WWOX: variants seen among roughly 807,000 people sequenced by gnomAD.
WWOX encodes the protein WW domain containing oxidoreductase, also known as WW domain-containing oxidoreductase.
In WWOX, 69 loss-of-function variants were observed where a neutral mutation model predicts 46.2. The ratio of observed to expected loss-of-function variants is 1.49; its 90% CI spans 1.23 to 1.82. The LOEUF is 1.82. WWOX is among the 40% of genes most tolerant of loss of function. The pLI is 0.00. For missense variants in WWOX, 919 were observed against 542.6 expected, an observed-to-expected ratio of 1.69 and a Z score of -6.89; for synonymous variants, 359 against 202.6, an observed-to-expected ratio of 1.77 and a Z score of -6.56.
Position 78,146,638 on chromosome 16 carries a change from A to C in WWOX, c.410-17545A>C, listed in dbSNP as rs2034208843. ...CCCCAAACAAAATGTTATCAAATGA[A>C]GAACTCCTTCCCAGCTCTCCCTTCT... On this transcript the variant is annotated intron_variant, in intron 4 of 8. Coordinates refer to ENST00000566780, the MANE Select transcript of WWOX (RefSeq NM_016373.4). 2.0e-5 allele frequency among the ~76,000 whole-genome samples: 3 copies of C among 152,300 alleles called. No individual in the cohort carries two copies. The South Asian group carries it at 6.2e-4, about 32-fold the overall frequency.
At chr16:78,507,233 A>C (rs932047128) in intron 8 of WWOX, among the ~76,000 whole-genome samples, 1 of 152,262 alleles carries the variant, frequency 6.6e-6, no homozygotes, top group African/African-American at 2.4e-5. Context: ...CAAGATTAGC[A>C]GTAATATATA....
chr16:78,960,992 A>G (rs752241861), intron 8 of WWOX, among the ~76,000 whole-genome samples: 4 of 152,194 alleles, frequency 2.6e-5, no homozygotes, highest in African/African-American at 7.2e-5. Flanking sequence ...TCCATGGAGT[A>G]TCTTTACTCA....
At chr16:78,509,070 G>T (rs1457958888) in intron 8 of WWOX, among the ~76,000 whole-genome samples, 1 of 152,234 alleles carries the variant, frequency 6.6e-6, no homozygotes, top group African/African-American at 2.4e-5. Flanking sequence ...TGCACAGTGG[G>T]CACTGTTTCC....
intron 8 of WWOX, among the ~76,000 whole-genome samples, chr16:79,002,029 G>C (rs1376138865): frequency 6.6e-6 from 1 of 151,976 alleles, no homozygotes; most frequent in African/African-American, 2.4e-5. Flanking sequence ...CCACAAATCT[G>C]GGCAACTGGA....
intron 5 of WWOX, among the ~76,000 whole-genome samples, chr16:78,384,267 C>T (rs1292969578): frequency 2.0e-5 from 3 of 152,098 alleles, no homozygotes; most frequent in South Asian, 2.1e-4. Context: ...CTGTAAGATT[C>T]TGCACGTGGC....
At chr16:78,626,689 T>C (rs2738574) in intron 8 of WWOX, among the ~76,000 whole-genome samples, 123,165 of 152,032 alleles carry the variant, frequency 0.81, 50,037 homozygotes, top group Middle Eastern at 0.84. Flanking sequence ...GCCCAGCTCA[T>C]GCTTGTGGAG....
chr16:78,772,596 C>G (rs2050090971), intron 8 of WWOX, among the ~76,000 whole-genome samples: 1 of 152,110 alleles, frequency 6.6e-6, no homozygotes, highest in Non-Finnish European at 1.5e-5. Context: ...AGAGATTAAA[C>G]AAACAAATAA....
intron 5 of WWOX, among the ~76,000 whole-genome samples, chr16:78,285,687 A>G (rs1173940205): frequency 4.6e-5 from 7 of 152,152 alleles, no homozygotes; most frequent in Non-Finnish European, 1.0e-4. Flanking sequence ...GCTTGGTTTT[A>G]TGGAGGGATC....
chr16:78,830,484 G>T (rs1942711560), intron 8 of WWOX, among the ~76,000 whole-genome samples: 2 of 151,920 alleles, frequency 1.3e-5, no homozygotes, highest in South Asian at 4.2e-4. Context: ...GCTGCCTGAA[G>T]AGGCCTCAAA....
chr16:79,096,364 C>T (rs1393173837), intron 8 of WWOX, among the ~76,000 whole-genome samples: 2 of 152,150 alleles, frequency 1.3e-5, no homozygotes, highest in African/African-American at 4.8e-5. Context: ...CCTGCGTCCT[C>T]TCCCTTCCCC....
intron 8 of WWOX, among the ~76,000 whole-genome samples, chr16:78,969,597 C>G (rs769165810): frequency 1.3e-5 from 2 of 152,314 alleles, no homozygotes; most frequent in Admixed American, 6.5e-5. Context: ...AACAGTTCCT[C>G]TCTTCTTTGT....
intron 8 of WWOX, among the ~76,000 whole-genome samples, chr16:79,048,707 T>G (rs888682165): frequency 3.9e-5 from 6 of 152,182 alleles, no homozygotes; most frequent in Non-Finnish European, 8.8e-5. Context: ...TTCTTCAAAC[T>G]TTCAAATTGT....
At chr16:78,822,008 G>C (rs574443312) in intron 8 of WWOX, among the ~76,000 whole-genome samples, 62 of 152,246 alleles carry the variant, frequency 4.1e-4, no homozygotes, top group African/African-American at 1.5e-3. Context: ...TCCTGAGTAG[G>C]TAGGACTATA....
intron 8 of WWOX, among the ~76,000 whole-genome samples, chr16:79,074,140 G>C (rs2048604830): frequency 6.6e-6 from 1 of 152,120 alleles, no homozygotes; most frequent in South Asian, 2.1e-4. Context: ...CGTTAAAGCA[G>C]TTAGAGTTCG....
At chr16:78,396,108 C>G (rs2082279320) in intron 6 of WWOX, among the ~76,000 whole-genome samples, 1 of 152,190 alleles carries the variant, frequency 6.6e-6, no homozygotes, top group Non-Finnish European at 1.5e-5. Context: ...ACAACAGTGC[C>G]AAGAACTTGG....
At chr16:78,722,363 A>G (rs1202725413) in intron 8 of WWOX, among the ~76,000 whole-genome samples, 4 of 152,198 alleles carry the variant, frequency 2.6e-5, no homozygotes, top group African/African-American at 9.7e-5. Flanking sequence ...AGATCGCAGT[A>G]TCTAACTCAT....
chr16:79,100,898 A>T (rs764482296), intron 8 of WWOX, among the ~76,000 whole-genome samples: 1 of 151,810 alleles, frequency 6.6e-6, no homozygotes, highest in African/African-American at 2.4e-5. Context: ...AACTAGCTCC[A>T]TTTGTATGTT....
intron 8 of WWOX, among the ~76,000 whole-genome samples, chr16:78,798,825 T>G (rs1462337501): frequency 6.6e-6 from 1 of 152,194 alleles, no homozygotes; most frequent in Non-Finnish European, 1.5e-5. Flanking sequence ...TAGAAGCTAA[T>G]GTTCCATATC....
chr16:78,523,877 A>G (rs766828613), intron 8 of WWOX, among the ~76,000 whole-genome samples: 43 of 152,226 alleles, frequency 2.8e-4, no homozygotes, highest in Non-Finnish European at 5.7e-4. Flanking sequence ...GAGTTTTAGG[A>G]TGAAGAAATT....
Sources: gnomAD v4.1 joint callset for allele counts (sites outside exome capture counted in the v4.1 genomes callset) on GRCh38, gnomAD v4.1.1 for gene constraint, MANE v1.5 for transcripts, NCBI Gene and HGNC (gene_info 2026-07-23, HGNC 2026-07-21) for gene names.